Variants in SLC12A2 observed in about 807,000 individuals in gnomAD.
SLC12A2 encodes Na-K-2Cl cotransporter 1.
SLC12A2 carries 67 observed loss-of-function variants against 136.3 expected under a neutral mutation model. The ratio of observed to expected loss-of-function variants is 0.49; its 90% CI spans 0.40 to 0.60. The LOEUF (loss-of-function observed/expected upper bound fraction) is 0.60. SLC12A2 is among the 20% of genes least tolerant of loss of function. The pLI is 0.00. For synonymous variants in SLC12A2, 619 were observed against 562.9 expected, an observed-to-expected ratio of 1.10 and a Z score of -1.41; for missense variants, 1,322 against 1,534.7, an observed-to-expected ratio of 0.86 and a Z score of 2.32.
intron 4 of SLC12A2, among the ~76,000 whole-genome samples, chr5:128,116,261 A>C (rs539880899): frequency 6.6e-6 from 1 of 152,148 alleles, no homozygotes; most frequent in African/African-American, 2.4e-5. Flanking sequence ...CATTAACTTC[A>C]TGCTTTTCCC....
chr5:128,133,513 A>T (rs1762094069), intron 5 of SLC12A2, among the ~76,000 whole-genome samples: 1 of 152,124 alleles, frequency 6.6e-6, no homozygotes, highest in Admixed American at 6.5e-5. Context: ...TCAATTGCAC[A>T]GAATATAGTC....
At chr5:128,144,059 G>A (rs961264561) in intron 10 of SLC12A2, among the ~76,000 whole-genome samples, 3 of 151,962 alleles carry the variant, frequency 2.0e-5, no homozygotes, top group Non-Finnish European at 4.4e-5. Flanking sequence ...ATGAAAGAAA[G>A]TATTCATGTC....
chr5:128,110,148 A>G lies in SLC12A2; in HGVS notation c.757-2666A>G, dbSNP rs1441016560. On this transcript the variant is annotated intron_variant, in intron 1 of 26. Coordinates refer to ENST00000262461, the MANE Select transcript of SLC12A2 (RefSeq NM_001046.3). Reference sequence around the variant, plus strand: ...CATGGATGTCATACTACTTTCTTTGACTAGAAAGGTGAAGATGCCAGATGT... The same window carrying G: ...CATGGATGTCATACTACTTTCTTTGGCTAGAAAGGTGAAGATGCCAGATGT... 4.6e-6 allele frequency: 4 copies of G among 873,196 alleles called. No individual in the cohort carries two copies. In the East Asian group the frequency reaches 9.6e-5, roughly 21 times the overall value. The allele number at this position is 873,196 out of a possible 1,614,324, so 54.1% of individuals were successfully genotyped here. A position where few individuals can be genotyped will look rare whatever the true frequency, so the allele number is the denominator to read the frequency against.
intron 17 of SLC12A2, among the ~76,000 whole-genome samples, chr5:128,165,215 G>T (rs1388970048): frequency 6.6e-6 from 1 of 152,096 alleles, no homozygotes; most frequent in Non-Finnish European, 1.5e-5. Context: ...TTGAGCAAAG[G>T]ACATTAGCAT....
In SLC12A2 at chr5:128,084,537, C is replaced by T; in HGVS notation, c.583C>T (p.His195Tyr). Reference protein sequence around the residue: ...LHSGGGGGSGHHQHYYYDTHT... With the variant: ...LHSGGGGGSGYHQHYYYDTHT... Reference sequence around the variant, plus strand: ...CTCCGGCGGCGGCGGCGGCAGTGGGCACCACCAGCACTACTATTATGATAC... The same window carrying T: ...CTCCGGCGGCGGCGGCGGCAGTGGGTACCACCAGCACTACTATTATGATAC... The change falls in exon 1 of 27, where the codon CAC becomes TAC. Residue 195 changes from histidine to tyrosine, a missense_variant. Around this residue, in one of 8 missense-constraint regions of SLC12A2, gnomAD observed 358 missense variants for 299.7 expected, o/e 1.19. Coordinates refer to ENST00000262461, the MANE Select transcript of SLC12A2 (RefSeq NM_001046.3). The surrounding 1 kb of genome is among the most constrained non-coding windows in gnomAD (Gnocchi z 5.6). The T allele has an allele frequency of 6.2e-7, 1 of 1,613,670 alleles. No homozygotes were observed. The highest frequency in any genetic ancestry group is 8.5e-7 in the Non-Finnish European group (1 of 1,179,982).
chr5:128,084,038 C>A lies in SLC12A2; in HGVS notation c.84C>A (p.Ala28=). 1.6e-6 allele frequency: 2 copies of A among 1,269,816 alleles called. No individual in the cohort carries two copies. The highest frequency in any genetic ancestry group is 5.4e-5 in the South Asian group (2 of 36,850). The allele number at this position is 1,269,816 out of a possible 1,614,324, so 78.7% of individuals were successfully genotyped here. The stretch of plus-strand genomic sequence containing the variant: ...AGACGCCGTCAGCCGCTGCGCTGGC[C>A]GCAGCCAGGGTGGAACTGCCCGGCA... The part of the protein sequence containing the change: ...VGETPSAAAL[A]AARVELPGTA... Residue 28 remains alanine (A), a synonymous_variant, in exon 1 of 27, where the codon GCC becomes GCA. Transcript: ENST00000262461. The surrounding 1 kb of genome is among the most constrained non-coding windows in gnomAD (Gnocchi z 5.6).
chr5:128,165,415 C>T (rs779287694), intron 17 of SLC12A2, among the ~76,000 whole-genome samples: 10 of 152,244 alleles, frequency 6.6e-5, no homozygotes, highest in Middle Eastern at 3.4e-3. Flanking sequence ...GAAGAAATAA[C>T]ACAGTGGGAA....
At chr5:128,126,212 C>G (rs1761789422) in intron 4 of SLC12A2, among the ~76,000 whole-genome samples, 1 of 152,122 alleles carries the variant, frequency 6.6e-6, no homozygotes, top group African/African-American at 2.4e-5. Context: ...ATAAGGAGCT[C>G]AAACAACTCT....
At position 128,151,313 on chromosome 5, in the gene SLC12A2, T is replaced by C. The variant is rs372202195; in HGVS notation, c.2180T>C (p.Met727Thr). The C allele has an allele frequency of 2.5e-6, 4 of 1,613,014 alleles. No homozygotes were observed. The highest frequency in any genetic ancestry group is 3.4e-6 in the Non-Finnish European group (4 of 1,179,394). Residue 727 changes from methionine (M) to threonine (T), a missense_variant, in exon 14 of 27, where the codon ATG (methionine) becomes ACG (threonine). Coordinates refer to ENST00000262461, the MANE Select transcript of SLC12A2 (RefSeq NM_001046.3). ...LLGAILCCIV[M>T]FVINWWAALL... ...GGAGCAATTCTTTGTTGCATAGTAA[T>C]GTTCGTCATTAACTGGTGGGCTGCA...
chr5:128,116,946 A>C (rs373503795), intron 4 of SLC12A2, among the ~76,000 whole-genome samples: 1 of 152,188 alleles, frequency 6.6e-6, no homozygotes, highest in African/African-American at 2.4e-5. Context: ...GAGAAACTAG[A>C]TACAGGCATA....
At chr5:128,167,629 A>G (rs1349894119) in intron 17 of SLC12A2, 132 bp from the exon 18 acceptor site, 1 of 542,320 alleles carries the variant, frequency 1.8e-6, no homozygotes, top group Non-Finnish European at 3.2e-6. Context: ...GTAAATATGA[A>G]TATGGAATGC....
In SLC12A2 at chr5:128,083,878, C is replaced by A; in HGVS notation, c.-77C>A. The A allele has an allele frequency of 9.1e-7, 1 of 1,104,876 alleles. No homozygotes were observed. The highest frequency in any genetic ancestry group is 1.1e-6 in the Non-Finnish European group (1 of 877,576). 68.4% of individuals were successfully genotyped at this position (1,104,876 alleles called of 1,614,324 possible). A position where few individuals can be genotyped will look rare whatever the true frequency, so the allele number is the denominator to read the frequency against. On this transcript the variant is annotated 5_prime_UTR_variant, in exon 1 of 27. Transcript: ENST00000262461. Reference sequence around the variant, plus strand: ...CACCTGGTCTTGCGGCTGTGGCCACCGCCGGCCAGGGGTGTGGAGGGCGTG... The same window carrying A: ...CACCTGGTCTTGCGGCTGTGGCCACAGCCGGCCAGGGGTGTGGAGGGCGTG...
At chr5:128,100,184 A>G (rs993851640) in intron 1 of SLC12A2, among the ~76,000 whole-genome samples, 5 of 152,136 alleles carry the variant, frequency 3.3e-5, no homozygotes, top group Admixed American at 6.6e-5. Context: ...TTATAATCTT[A>G]TGGGACTATT....
chr5:128,098,611 T>C (rs977109521), intron 1 of SLC12A2, among the ~76,000 whole-genome samples: 1 of 152,022 alleles, frequency 6.6e-6, no homozygotes, highest in South Asian at 2.1e-4. Flanking sequence ...TTTAAAAATA[T>C]TCTTCTGAAA....
chr5:128,124,852 A>G (rs912031890), intron 4 of SLC12A2, among the ~76,000 whole-genome samples: 2 of 152,134 alleles, frequency 1.3e-5, no homozygotes, highest in Non-Finnish European at 2.9e-5. Flanking sequence ...TCCTCTAGCA[A>G]CTAGCACTGT....
In SLC12A2 at chr5:128,138,588, T is replaced by G. The variant is rs1196253214; in HGVS notation, c.1409-9T>G. 1.2e-6 allele frequency: 2 copies of G among 1,602,610 alleles called. No individual in the cohort carries two copies. Among genetic ancestry groups the G allele is most frequent in the South Asian group, 2.3e-5 (2 of 88,668 alleles). The stretch of plus-strand genomic sequence containing the variant: ...CCATTAATTGTCAAGAATATTTTGT[T>G]CTCTGCAGCTGAAATATTTAATGAG... On this transcript the variant is annotated splice_polypyrimidine_tract_variant and intron_variant, in intron 7 of 26. Coordinates refer to ENST00000262461, the MANE Select transcript of SLC12A2 (RefSeq NM_001046.3).
rs1440016177 is a variant in SLC12A2 at position 128,084,237 on chromosome 5, G to C, written c.283G>C (p.Ala95Pro). The C allele has an allele frequency of 7.8e-7, 1 of 1,283,006 alleles. No homozygotes were observed. The highest frequency in any genetic ancestry group is 3.2e-5 in the East Asian group (1 of 31,190). 79.5% of individuals were successfully genotyped at this position (1,283,006 alleles called of 1,614,324 possible). A position where few individuals can be genotyped will look rare whatever the true frequency, so the allele number is the denominator to read the frequency against. ...TTCCGAGAACGCCGGGCGGGCCGCTGCTGCGGCGGCGGCGGCGGCGGCGGC... is the reference window on the plus strand; with the variant it reads ...TTCCGAGAACGCCGGGCGGGCCGCTCCTGCGGCGGCGGCGGCGGCGGCGGC... Reference protein sequence around the residue: ...LVSENAGRAAAAAAAAAAAAA... With the variant: ...LVSENAGRAAPAAAAAAAAAA... The change falls in exon 1 of 27, where the codon GCT becomes CCT. Residue 95 changes from alanine to proline, a missense_variant. Physicochemically the swap from Ala to Pro is conservative, Grantham distance 27. Coordinates refer to ENST00000262461, the MANE Select transcript of SLC12A2 (RefSeq NM_001046.3). This position sits in a 1 kb window ranked among gnomAD's most constrained non-coding sequence, Gnocchi z 5.6.
chr5:128,110,343 G>T lies in SLC12A2; in HGVS notation c.757-2471G>T. 3.2e-6 allele frequency: 3 copies of T among 941,146 alleles called. No homozygotes were observed. In the Admixed American group the frequency reaches 5.1e-5, roughly 16 times the overall value. 58.3% of individuals were successfully genotyped at this position (941,146 alleles called of 1,614,324 possible). A position where few individuals can be genotyped will look rare whatever the true frequency, so the allele number is the denominator to read the frequency against. On this transcript the variant is annotated intron_variant, in intron 1 of 26. Coordinates refer to ENST00000262461, the MANE Select transcript of SLC12A2 (RefSeq NM_001046.3). ...AGAAACCATGGGCTGGGTAAGTCTG[G>T]ATATGATGTCTGTGCAAGCTAACAC...
chr5:128,112,493 G>T (rs1029964310), intron 1 of SLC12A2, among the ~76,000 whole-genome samples: 2 of 152,134 alleles, frequency 1.3e-5, no homozygotes, highest in Non-Finnish European at 2.9e-5. Context: ...TGAATTGATC[G>T]ACTTAGCTAC....
Sources: allele counts gnomAD v4.1 joint callset (sites outside exome capture counted in the v4.1 genomes callset), GRCh38; gene constraint gnomAD v4.1.1; regional missense constraint gnomAD v4.1.1; non-coding constraint Gnocchi (gnomAD v3.1); transcripts MANE v1.5; gene names NCBI Gene and HGNC (gene_info 2026-07-23, HGNC 2026-07-21).